The following FGF14 variants were observed in gnomAD, a reference collection of about 807,000 sequenced individuals.
FGF14 encodes the protein fibroblast growth factor homologous factor 4.
A neutral mutation model predicts 25.5 loss-of-function variants in FGF14; 5 were observed. The observed-to-expected ratio is 0.20, with a 90% CI of 0.10 to 0.41. FGF14 has a LOEUF of 0.41. Among genes scored for constraint, FGF14 ranks in the 10% least tolerant of loss-of-function variants. The probability of loss-of-function intolerance (pLI) is 1.00; values close to 1 mark genes in which losing one functional copy is unlikely to be tolerated. For synonymous variants in FGF14, 138 were observed against 118.3 expected, an observed-to-expected ratio of 1.17 and a Z score of -1.08; for missense variants, 222 against 320.1, an observed-to-expected ratio of 0.69 and a Z score of 2.34.
intron 1 of FGF14, among the ~76,000 whole-genome samples, chr13:102,072,358 A>G (rs1169852003): frequency 1.3e-5 from 2 of 152,230 alleles, no homozygotes; most frequent in Non-Finnish European, 2.9e-5. Flanking sequence ...ACAATAAAGC[A>G]GAAAAGGATA....
intron 1 of FGF14, among the ~76,000 whole-genome samples, chr13:101,962,177 A>G (rs949530460): frequency 2.0e-5 from 3 of 152,144 alleles, no homozygotes; most frequent in African/African-American, 4.8e-5. Flanking sequence ...CAAGATATTG[A>G]TTCTTACTAA....
chr13:102,314,935 T>A (rs1302134275), intron 1 of FGF14, among the ~76,000 whole-genome samples: 1 of 148,852 alleles, frequency 6.7e-6, no homozygotes, highest in African/African-American at 2.4e-5. Context: ...ATGTACAAAA[T>A]TATACATATT....
rs900887053 is a variant in FGF14 at position 102,014,651 on chromosome 13, G to A, written c.209-139355C>T. ...TTTGAATTTAAAAAGACATATAATG[G>A]CTTTTGATTATTCAAAAACACAAGT... On this transcript the variant is annotated intron_variant, in intron 1 of 4. Transcript: ENST00000376131. 4.1e-4 allele frequency among the ~76,000 whole-genome samples: 63 copies of A among 152,142 alleles called. 1 individual carries two copies. The highest frequency in any genetic ancestry group is 1.5e-3 in the African/African-American group (62 of 41,522).
At chr13:102,175,052 G>A (rs1003585020) in intron 1 of FGF14, among the ~76,000 whole-genome samples, 7 of 152,060 alleles carry the variant, frequency 4.6e-5, no homozygotes, top group Admixed American at 4.6e-4. Context: ...GATTCAACAC[G>A]ATTTTTATCA....
chr13:101,769,519 C>A (rs1594184534), intron 3 of FGF14, among the ~76,000 whole-genome samples: 1 of 152,136 alleles, frequency 6.6e-6, no homozygotes. Context: ...TCTATGGCAG[C>A]TGCATTCATA....
In FGF14 at chr13:101,858,567, A is replaced by C. The variant is rs541471967; in HGVS notation, c.408+10158T>G. Among the ~76,000 whole-genome samples the C allele has an allele frequency of 5.1e-4, 77 of 152,152 alleles. 2 individuals carry two copies. In the South Asian group the frequency reaches 0.016, roughly 31 times the overall value. On this transcript the variant is annotated intron_variant, in intron 3 of 4. Coordinates refer to ENST00000376143, the MANE Select transcript of FGF14 (RefSeq NM_004115.4). ...TTGAAACTCCTTACATATAAAAATT[A>C]TTTTCACCATCTACCACCTACCATG...
intron 1 of FGF14, among the ~76,000 whole-genome samples, chr13:102,327,362 T>C (rs2056487583): frequency 6.6e-6 from 1 of 152,248 alleles, no homozygotes; most frequent in Admixed American, 6.5e-5. Flanking sequence ...CCACTAATTA[T>C]TATTGTTATC....
rs1231365125 is a variant in FGF14, at chr13:102,389,252, C to A, written c.208+12219G>T. Among the ~76,000 whole-genome samples, 5 of 152,140 alleles carry A rather than the reference C, an allele frequency of 3.3e-5. No individual in the cohort carries two copies. The East Asian group carries it at 7.7e-4, about 23-fold the overall frequency. On this transcript the variant is annotated intron_variant, in intron 1 of 4. Transcript: ENST00000376131. ...GAATGTTTTAAATCTCCCCCAGTAA[C>A]TAACATGTAATGTTAACATATCACA...
intron 3 of FGF14, among the ~76,000 whole-genome samples, chr13:101,855,061 CACACA>C (rs1234513838): frequency 6.6e-6 from 1 of 152,062 alleles, no homozygotes; most frequent in Non-Finnish European, 1.5e-5. Flanking sequence ...TGCACACACA[CACACA>C]ACACATTTAA....
Position 101,961,793 on chromosome 13 carries a change from C to A in FGF14, c.209-86497G>T, listed in dbSNP as rs377079710. Among the ~76,000 whole-genome samples the A allele has an allele frequency of 2.0e-5, 3 of 152,300 alleles. No homozygotes were observed. In the East Asian group the frequency reaches 5.8e-4, roughly 29 times the overall value. On this transcript the variant is annotated intron_variant, in intron 1 of 4. Coordinates refer to the FGF14 transcript ENST00000376131. ...ATGTGTTTGCTTCCCCTTCTGGAAT[C>A]ATTATAAGTTTCCTGAGGCCTCCCC...
chr13:102,401,726 C>G, exon 1 of FGF14: 1 of 1,503,338 alleles, frequency 6.7e-7, no homozygotes, highest in Non-Finnish European at 9.2e-7. Context: ...TTTCCCCTCA[C>G]GTGGTATATT....
intron 1 of FGF14, among the ~76,000 whole-genome samples, chr13:102,276,777 T>C (rs187861243): frequency 6.6e-6 from 1 of 152,270 alleles, no homozygotes; most frequent in Admixed American, 6.5e-5. Flanking sequence ...TATGTTTAGT[T>C]ACTATAACAG....
chr13:102,140,589 T>C (rs2046606969), intron 1 of FGF14, among the ~76,000 whole-genome samples: 1 of 151,262 alleles, frequency 6.6e-6, no homozygotes, highest in African/African-American at 2.4e-5. Flanking sequence ...ATAAGGGGAG[T>C]GAGAAAATAG....
intron 1 of FGF14, among the ~76,000 whole-genome samples, chr13:102,068,217 T>A (rs1023690412): frequency 2.6e-5 from 4 of 152,118 alleles, no homozygotes; most frequent in African/African-American, 4.8e-5. Flanking sequence ...ACATCTGAAA[T>A]AAACAATCTC....
At chr13:102,051,152 C>G (rs1011986526) in intron 1 of FGF14, among the ~76,000 whole-genome samples, 4 of 152,172 alleles carry the variant, frequency 2.6e-5, no homozygotes, top group African/African-American at 9.7e-5. Context: ...GGACTTAGCT[C>G]TGGGGCCCAC....
intron 1 of FGF14, among the ~76,000 whole-genome samples, chr13:102,140,289 G>C (rs2046595321): frequency 6.6e-6 from 1 of 152,112 alleles, no homozygotes; most frequent in Non-Finnish European, 1.5e-5. Flanking sequence ...GTATATAGCA[G>C]ATACTCAATA....
intron 1 of FGF14, among the ~76,000 whole-genome samples, chr13:102,076,500 A>T (rs546082513): frequency 5.1e-4 from 78 of 152,308 alleles, no homozygotes; most frequent in African/African-American, 1.7e-3. Context: ...GTGTAATGAC[A>T]CATTTCTCAG....
At chr13:101,767,445 A>C (rs550930284) in intron 3 of FGF14, among the ~76,000 whole-genome samples, 17 of 148,994 alleles carry the variant, frequency 1.1e-4, no homozygotes, top group Admixed American at 2.0e-4. Flanking sequence ...CTAAAAGCTG[A>C]TATGTGGAAG....
intron 1 of FGF14, 67 bp downstream of exon 1, chr13:101,916,386 G>A: frequency 6.3e-7 from 1 of 1,574,914 alleles, no homozygotes; most frequent in Non-Finnish European, 8.7e-7. Flanking sequence ...AAGGAGCCTG[G>A]AGAAGCTCCG....
Sources: allele counts gnomAD v4.1 joint callset (sites outside exome capture counted in the v4.1 genomes callset), GRCh38; gene constraint gnomAD v4.1.1; transcripts MANE v1.5; gene names NCBI Gene and HGNC (gene_info 2026-07-23, HGNC 2026-07-21).